Variants in NUBPL observed in about 807,000 individuals in gnomAD.
NUBPL encodes the protein iron-sulfur cluster transfer protein NUBPL.
In NUBPL, 31 loss-of-function variants were observed where a neutral mutation model predicts 45.7. The ratio of observed to expected loss-of-function variants is 0.68; its 90% confidence interval spans 0.51 to 0.92. NUBPL has a LOEUF of 0.92. Ranked by LOEUF, NUBPL falls within the 40% of genes least tolerant of loss-of-function variation. The pLI is 0.00. For missense variants in NUBPL, 401 were observed against 398.7 expected, an observed-to-expected ratio of 1.01 and a Z score of -0.05; for synonymous variants, 144 against 140.9, an observed-to-expected ratio of 1.02 and a Z score of -0.15.
chr14:31,846,226 G>C (rs1313457125), intron 8 of NUBPL: 4 of 449,574 alleles, frequency 8.9e-6, no homozygotes, highest in Non-Finnish European at 1.6e-5. Context: ...TTTCTAGGCA[G>C]AATTTTTGGT....
At chr14:31,850,792 AT>A (rs112493562) in intron 10 of NUBPL, among the ~76,000 whole-genome samples, 27 of 147,626 alleles carry the variant, frequency 1.8e-4, no homozygotes, top group East Asian at 2.0e-4. Context: ...TGCCCTGCTA[AT>A]TTTTTTTTTT....
At chr14:31,729,484 A>G (rs865893145) in intron 6 of NUBPL, among the ~76,000 whole-genome samples, 28 of 152,184 alleles carry the variant, frequency 1.8e-4, no homozygotes, top group African/African-American at 4.1e-4. Flanking sequence ...ATAATCCACA[A>G]TGCAGAAACC....
chr14:31,790,792 A>G (rs1450669031), intron 7 of NUBPL, among the ~76,000 whole-genome samples: 3 of 152,138 alleles, frequency 2.0e-5, no homozygotes, highest in Non-Finnish European at 4.4e-5. Context: ...TGGAGCTTGC[A>G]GTGAGCCGAG....
intron 4 of NUBPL, among the ~76,000 whole-genome samples, chr14:31,605,768 C>T (rs938288952): frequency 2.0e-5 from 3 of 151,094 alleles, no homozygotes; most frequent in Non-Finnish European, 3.0e-5. Flanking sequence ...CCTTCTCCTT[C>T]TCCTTCTTCT....
chr14:31,736,498 G>C (rs779377743), intron 6 of NUBPL, among the ~76,000 whole-genome samples: 1 of 152,168 alleles, frequency 6.6e-6, no homozygotes, highest in Non-Finnish European at 1.5e-5. Flanking sequence ...CTCTCTTGCA[G>C]TGTAATGCTG....
intron 6 of NUBPL, among the ~76,000 whole-genome samples, chr14:31,775,855 A>G (rs548902686): frequency 2.0e-5 from 3 of 152,272 alleles, no homozygotes; most frequent in Non-Finnish European, 4.4e-5. Flanking sequence ...CCATGAAGCT[A>G]ATAAAGCTTA....
intron 6 of NUBPL, among the ~76,000 whole-genome samples, chr14:31,752,985 A>G (rs2038566265): frequency 6.6e-6 from 1 of 152,210 alleles, no homozygotes; most frequent in Non-Finnish European, 1.5e-5. Flanking sequence ...GAACTCACTC[A>G]CTATCATGAG....
At chr14:31,668,674 C>T (rs1027397905) in intron 4 of NUBPL, among the ~76,000 whole-genome samples, 5 of 152,250 alleles carry the variant, frequency 3.3e-5, no homozygotes, top group South Asian at 2.1e-4. Context: ...AAACCCAGGG[C>T]GCTGGTGGTG....
At chr14:31,610,627 A>AG (rs1486496677) in intron 4 of NUBPL, among the ~76,000 whole-genome samples, 2 of 149,920 alleles carry the variant, frequency 1.3e-5, no homozygotes, top group African/African-American at 2.4e-5. Flanking sequence ...AAAAAAAAAA[A>AG]AAAGAAAGAA....
chr14:31,579,742 G>A (rs746990563), intron 3 of NUBPL, among the ~76,000 whole-genome samples: 2 of 152,178 alleles, frequency 1.3e-5, no homozygotes, highest in Non-Finnish European at 2.9e-5. Context: ...GAAGTCTTAC[G>A]GTAATCTTTA....
chr14:31,704,018 G>A (rs917181279), intron 6 of NUBPL, among the ~76,000 whole-genome samples: 2 of 152,260 alleles, frequency 1.3e-5, no homozygotes, highest in East Asian at 1.9e-4. Context: ...GCTCATGCCG[G>A]TCTAACTACC....
intron 6 of NUBPL, among the ~76,000 whole-genome samples, chr14:31,723,296 T>A (rs1229085408): frequency 6.6e-6 from 1 of 152,214 alleles, no homozygotes; most frequent in Non-Finnish European, 1.5e-5. Flanking sequence ...GTTCCATTGG[T>A]CTATGCACCT....
At chr14:31,793,155 T>A (rs896962638) in intron 7 of NUBPL, among the ~76,000 whole-genome samples, 3 of 152,176 alleles carry the variant, frequency 2.0e-5, no homozygotes, top group Non-Finnish European at 4.4e-5. Context: ...TGAATATCCT[T>A]GTAATTTGAT....
intron 8 of NUBPL, among the ~76,000 whole-genome samples, chr14:31,834,258 G>A (rs1278262537): frequency 7.3e-6 from 1 of 137,358 alleles, no homozygotes; most frequent in East Asian, 2.2e-4. Context: ...TTGGCTCACT[G>A]CAACCTCCGC....
chr14:31,754,867 G>A (rs2038620987), intron 6 of NUBPL, among the ~76,000 whole-genome samples: 1 of 96,250 alleles, frequency 1.0e-5, no homozygotes, highest in African/African-American at 4.3e-5. Flanking sequence ...CCCCACAACA[G>A]TCCCCACAGT....
chr14:31,628,323 C>T (rs925257588), intron 4 of NUBPL, among the ~76,000 whole-genome samples: 2 of 152,090 alleles, frequency 1.3e-5, no homozygotes, highest in African/African-American at 4.8e-5. Flanking sequence ...TCATGTATTG[C>T]TCATTTAGAA....
chr14:31,594,362 C>T (rs1453594840), intron 3 of NUBPL, among the ~76,000 whole-genome samples: 2 of 152,118 alleles, frequency 1.3e-5, no homozygotes, highest in Non-Finnish European at 2.9e-5. Flanking sequence ...GGTCAAGGCC[C>T]CTATTGCCCT....
At chr14:31,687,529 C>T (rs1227975344) in intron 6 of NUBPL, among the ~76,000 whole-genome samples, 1 of 152,212 alleles carries the variant, frequency 6.6e-6, no homozygotes, top group African/African-American at 2.4e-5. Flanking sequence ...ATAAAATTCA[C>T]TGTACTACAT....
intron 6 of NUBPL, among the ~76,000 whole-genome samples, chr14:31,698,175 A>G (rs2037254662): frequency 6.6e-6 from 1 of 152,118 alleles, no homozygotes; most frequent in South Asian, 2.1e-4. Context: ...TCAGTTTAAT[A>G]TTTAGCATTG....
Sources: allele counts gnomAD v4.1 joint callset (sites outside exome capture counted in the v4.1 genomes callset), GRCh38; gene constraint gnomAD v4.1.1; transcripts MANE v1.5; gene names NCBI Gene and HGNC (gene_info 2026-07-23, HGNC 2026-07-21).